The following CDKAL1 variants were observed in gnomAD, a reference collection of about 807,000 sequenced individuals.
CDKAL1 encodes the protein CDKAL1 threonylcarbamoyladenosine tRNA methylthiotransferase, also known as threonylcarbamoyladenosine tRNA methylthiotransferase.
In CDKAL1, 32 loss-of-function variants were observed where a neutral mutation model predicts 68.2. The observed-to-expected ratio is 0.47, with a 90% confidence interval of 0.35 to 0.63. The LOEUF is 0.63. Among genes scored for constraint, CDKAL1 ranks in the 30% least tolerant of loss-of-function variants. The probability of loss-of-function intolerance (pLI) is 0.00; values close to 1 mark genes in which losing one functional copy is unlikely to be tolerated. For missense variants in CDKAL1, 606 were observed against 696.7 expected, an observed-to-expected ratio of 0.87 and a Z score of 1.47; for synonymous variants, 234 against 244.3, an observed-to-expected ratio of 0.96 and a Z score of 0.39.
chr6:20,990,690 GAGTAAATAC>G (rs1325936430), intron 10 of CDKAL1, among the ~76,000 whole-genome samples: 1 of 152,238 alleles, frequency 6.6e-6, no homozygotes, highest in Admixed American at 6.5e-5. Context: ...GTAATTGCTA[GAGTAAATAC>G]AGATACTGGT....
At chr6:20,781,357 G>A in intron 8 of CDKAL1, 92 bp downstream of exon 8, 1 of 1,145,032 alleles carries the variant, frequency 8.7e-7, no homozygotes, top group Non-Finnish European at 1.2e-6. Context: ...AAAAGTAGCT[G>A]AACATTTTCT....
At chr6:21,010,352 T>C (rs758555559) in intron 11 of CDKAL1, among the ~76,000 whole-genome samples, 3 of 152,212 alleles carry the variant, frequency 2.0e-5, no homozygotes, top group Non-Finnish European at 4.4e-5. Context: ...AAACTACATT[T>C]CAAAAACTTT....
chr6:20,818,119 G>A (rs1021328277), intron 8 of CDKAL1, among the ~76,000 whole-genome samples: 14 of 152,098 alleles, frequency 9.2e-5, no homozygotes, highest in Admixed American at 2.6e-4. Context: ...ATAATGGCTT[G>A]TTTCAGAACT....
chr6:20,564,602 T>A (rs1408968346), intron 4 of CDKAL1, among the ~76,000 whole-genome samples: 2 of 152,244 alleles, frequency 1.3e-5, no homozygotes, highest in African/African-American at 4.8e-5. Context: ...ATTTTGTAGA[T>A]ATAAACTCCT....
At chr6:20,879,031 A>G (rs951434140) in intron 9 of CDKAL1, among the ~76,000 whole-genome samples, 1 of 151,874 alleles carries the variant, frequency 6.6e-6, no homozygotes, top group African/African-American at 2.4e-5. Context: ...GTGAGCCGAG[A>G]TCGCACCATT....
intron 12 of CDKAL1, among the ~76,000 whole-genome samples, chr6:21,078,377 C>G (rs1772193734): frequency 6.6e-6 from 1 of 152,106 alleles, no homozygotes; most frequent in South Asian, 2.1e-4. Flanking sequence ...ATCTTTGGGC[C>G]TAATCATAAT....
chr6:21,019,086 T>G (rs1768493904), intron 11 of CDKAL1, among the ~76,000 whole-genome samples: 1 of 152,140 alleles, frequency 6.6e-6, no homozygotes, highest in Non-Finnish European at 1.5e-5. Context: ...ATATCTGGGA[T>G]TATAGGCACC....
At chr6:21,034,997 T>G (rs908379498) in intron 11 of CDKAL1, among the ~76,000 whole-genome samples, 1 of 152,154 alleles carries the variant, frequency 6.6e-6, no homozygotes, top group African/African-American at 2.4e-5. Flanking sequence ...TGTCTACATA[T>G]CTCATGTGAA....
At chr6:20,806,369 T>C (rs1014723865) in intron 8 of CDKAL1, among the ~76,000 whole-genome samples, 1 of 152,238 alleles carries the variant, frequency 6.6e-6, no homozygotes, top group Non-Finnish European at 1.5e-5. Context: ...TTTTCTTTGT[T>C]CAGTGTACCG....
At chr6:20,672,644 C>T (rs1769902087) in intron 5 of CDKAL1, among the ~76,000 whole-genome samples, 1 of 151,664 alleles carries the variant, frequency 6.6e-6, no homozygotes, top group South Asian at 2.1e-4. Context: ...TGTGAGCTAC[C>T]GTGTCTGGCC....
chr6:21,150,635 A>G (rs896551413), intron 13 of CDKAL1, among the ~76,000 whole-genome samples: 5 of 152,230 alleles, frequency 3.3e-5, no homozygotes, highest in African/African-American at 1.2e-4. Flanking sequence ...GATTGATCAG[A>G]GGAAGCAGTC....
intron 9 of CDKAL1, among the ~76,000 whole-genome samples, chr6:20,924,791 A>C (rs1444409556): frequency 3.3e-5 from 5 of 152,268 alleles, no homozygotes; most frequent in African/African-American, 9.6e-5. Flanking sequence ...TGCAGCAATT[A>C]TCCAGAAGGT....
rs1763524687 is a variant in CDKAL1, at chr6:20,544,644, C to T, written c.-5-1702C>T. Among the ~76,000 whole-genome samples the T allele has an allele frequency of 2.1e-5, 3 of 146,216 alleles. No individual in the cohort carries two copies. The South Asian group carries it at 6.6e-4, about 32-fold the overall frequency. ...AAATTGGGTAGACCAGTTCTTCTTA[C>T]TTTACTCTTCTCAAAATTGTTTTAA... On this transcript the variant is annotated intron_variant, in intron 2 of 15. Transcript: ENST00000274695.
intron 9 of CDKAL1, among the ~76,000 whole-genome samples, chr6:20,950,541 A>T (rs1387945568): frequency 6.6e-6 from 1 of 152,270 alleles, no homozygotes; most frequent in Non-Finnish European, 1.5e-5. Flanking sequence ...TTTAATGCAT[A>T]TTAAATAAAT....
At chr6:20,610,403 A>G (rs1177787605) in intron 4 of CDKAL1, among the ~76,000 whole-genome samples, 3 of 152,270 alleles carry the variant, frequency 2.0e-5, no homozygotes, top group East Asian at 1.9e-4. Context: ...CCAACATTGT[A>G]TAAGCTTTTC....
At chr6:20,670,826 C>G (rs932743376) in intron 5 of CDKAL1, among the ~76,000 whole-genome samples, 1 of 152,076 alleles carries the variant, frequency 6.6e-6, no homozygotes, top group African/African-American at 2.4e-5. Flanking sequence ...GTAATGTAAC[C>G]TGGGAACTCT....
At chr6:21,174,878 G>A (rs1777520388) in intron 13 of CDKAL1, among the ~76,000 whole-genome samples, 1 of 152,150 alleles carries the variant, frequency 6.6e-6, no homozygotes, top group Admixed American at 6.5e-5. Context: ...CAAGCCAAAT[G>A]TCTATTAATA....
chr6:20,721,425 G>C (rs1048628075), intron 5 of CDKAL1, among the ~76,000 whole-genome samples: 1 of 152,068 alleles, frequency 6.6e-6, no homozygotes. Flanking sequence ...TGGCCAAATA[G>C]TATTCCGTTA....
chr6:20,984,025 C>G (rs1294953702), intron 10 of CDKAL1, among the ~76,000 whole-genome samples: 2 of 152,174 alleles, frequency 1.3e-5, no homozygotes, highest in African/African-American at 4.8e-5. Flanking sequence ...GTGCTGTGGT[C>G]ATGGCATTTA....
Sources: gnomAD v4.1 joint callset for allele counts (sites outside exome capture counted in the v4.1 genomes callset) on GRCh38, gnomAD v4.1.1 for gene constraint, MANE v1.5 for transcripts, NCBI Gene and HGNC (gene_info 2026-07-23, HGNC 2026-07-21) for gene names.